Variants in CNBD1 observed in about 807,000 individuals in gnomAD.
CNBD1 encodes cyclic nucleotide binding domain containing 1.
In CNBD1, 71 loss-of-function variants were observed where a neutral mutation model predicts 54.4. The ratio of observed to expected loss-of-function variants is 1.30; its 90% CI spans 1.08 to 1.59. The LOEUF is 1.59. Among genes scored for constraint, CNBD1 ranks in the 40% most tolerant of loss-of-function variants. CNBD1 has a pLI of 0.00. For missense variants in CNBD1, 659 were observed against 518.0 expected (o/e 1.27, Z -2.64); for synonymous variants, 182 against 170.7 (o/e 1.07, Z -0.51).
intron 3 of CNBD1, among the ~76,000 whole-genome samples, chr8:86,930,894 G>T (rs1047936704): frequency 6.6e-6 from 1 of 152,010 alleles, no homozygotes; most frequent in East Asian, 1.9e-4. Flanking sequence ...AAAGCGGTGG[G>T]GTCTTTTAGT....
chr8:86,945,851 C>T (rs1002038362), intron 4 of CNBD1, among the ~76,000 whole-genome samples: 13 of 152,142 alleles, frequency 8.5e-5, no homozygotes, highest in African/African-American at 3.1e-4. Flanking sequence ...ATTCTAAAAG[C>T]GTGTCACGCT....
intron 10 of CNBD1, among the ~76,000 whole-genome samples, chr8:87,354,593 T>A (rs1810386895): frequency 6.6e-6 from 1 of 151,856 alleles, no homozygotes; most frequent in Admixed American, 6.6e-5. Context: ...TGTGTGATGT[T>A]CCCCTTCCTG....
At chr8:87,006,954 T>C (rs1246455956) in intron 4 of CNBD1, among the ~76,000 whole-genome samples, 1 of 152,232 alleles carries the variant, frequency 6.6e-6, no homozygotes, top group Admixed American at 6.5e-5. Flanking sequence ...CCCAGGACTT[T>C]GGGAGGCCAA....
chr8:86,905,658 G>A (rs1050301078), intron 3 of CNBD1, among the ~76,000 whole-genome samples: 1 of 152,104 alleles, frequency 6.6e-6, no homozygotes, highest in African/African-American at 2.4e-5. Context: ...CCTACATTTA[G>A]ATGTGCTTTA....
At chr8:86,867,217 G>A (rs1323846455) in intron 1 of CNBD1, among the ~76,000 whole-genome samples, 3 of 148,136 alleles carry the variant, frequency 2.0e-5, no homozygotes, top group Non-Finnish European at 3.0e-5. Flanking sequence ...CATGGCCATC[G>A]AATTTATAAG....
At chr8:87,428,524 GTTTTC>G (rs1376110625) in intron 2 of CNBD1, 4 of 431,696 alleles carry the variant, frequency 9.3e-6, no homozygotes, top group Non-Finnish European at 1.8e-5. Flanking sequence ...TATTCTAAGT[GTTTTC>G]TTCTGTTTTC....
chr8:87,280,038 T>A (rs910086234), intron 6 of CNBD1, among the ~76,000 whole-genome samples: 1 of 151,510 alleles, frequency 6.6e-6, no homozygotes, highest in Non-Finnish European at 1.5e-5. Flanking sequence ...AATAAATTTA[T>A]CCAGAAAATT....
chr8:87,036,477 C>T (rs1464069648), intron 4 of CNBD1, among the ~76,000 whole-genome samples: 1 of 151,346 alleles, frequency 6.6e-6, no homozygotes, highest in African/African-American at 2.4e-5. Flanking sequence ...GCCTGTAGTC[C>T]CAGCTGCTTG....
At chr8:87,137,923 T>C (rs1305656047) in intron 4 of CNBD1, among the ~76,000 whole-genome samples, 2 of 152,174 alleles carry the variant, frequency 1.3e-5, no homozygotes, top group Non-Finnish European at 2.9e-5. Context: ...GCCATAATTA[T>C]GGTTATGATT....
At chr8:87,261,439 A>T (rs1341651213) in intron 6 of CNBD1, among the ~76,000 whole-genome samples, 1 of 151,852 alleles carries the variant, frequency 6.6e-6, no homozygotes, top group East Asian at 1.9e-4. Context: ...TTGAGCAATG[A>T]ACCATTCATG....
intron 4 of CNBD1, among the ~76,000 whole-genome samples, chr8:87,074,109 A>G (rs1810815454): frequency 6.6e-6 from 1 of 151,384 alleles, no homozygotes; most frequent in Non-Finnish European, 1.5e-5. Context: ...TCAAAAAAAA[A>G]AAAAAAAGGC....
At position 87,371,695 on chromosome 8, in the gene CNBD1, A is replaced by G. The variant is rs1251649071; in HGVS notation, c.1304-10925A>G. Among the ~76,000 whole-genome samples, 4 of 152,072 alleles carry G rather than the reference A, an allele frequency of 2.6e-5. No homozygotes were observed. In the South Asian group the frequency reaches 6.2e-4, roughly 24 times the overall value. On this transcript the variant is annotated intron_variant, in intron 10 of 10. Coordinates refer to ENST00000518476, the MANE Select transcript of CNBD1 (RefSeq NM_173538.3). ...AGGCTGGTTCAATATATGCAAATCA[A>G]TAAATGTAATCCAGCGTATAAACAG...
At chr8:86,979,878 C>T (rs1451541487) in intron 4 of CNBD1, among the ~76,000 whole-genome samples, 1 of 152,138 alleles carries the variant, frequency 6.6e-6, no homozygotes, top group African/African-American at 2.4e-5. Context: ...AATATGATAA[C>T]ATCGTAGATC....
At chr8:87,273,857 G>A (rs949773399) in intron 6 of CNBD1, among the ~76,000 whole-genome samples, 4 of 151,438 alleles carry the variant, frequency 2.6e-5, no homozygotes, top group African/African-American at 9.7e-5. Flanking sequence ...GTGCCATGCT[G>A]GTGTGCTGCA....
intron 10 of CNBD1, among the ~76,000 whole-genome samples, chr8:87,360,890 AG>A (rs1810512248): frequency 6.6e-6 from 1 of 151,932 alleles, no homozygotes; most frequent in Non-Finnish European, 1.5e-5. Context: ...AAAGCACAGG[AG>A]GTCAGAGTTT....
chr8:87,388,389 A>G (rs1811236605), intron 2 of CNBD1, among the ~76,000 whole-genome samples: 1 of 152,046 alleles, frequency 6.6e-6, no homozygotes, highest in African/African-American at 2.4e-5. Context: ...GAAGAATCAA[A>G]TAGACACAAT....
chr8:87,052,662 G>A (rs780461532), intron 4 of CNBD1, among the ~76,000 whole-genome samples: 8 of 152,154 alleles, frequency 5.3e-5, no homozygotes, highest in Non-Finnish European at 1.0e-4. Context: ...CTTCTTGGAT[G>A]AGGAGGTTTT....
chr8:87,240,101 C>G (rs1807665013), intron 6 of CNBD1, among the ~76,000 whole-genome samples: 1 of 149,908 alleles, frequency 6.7e-6, no homozygotes, highest in African/African-American at 2.5e-5. Flanking sequence ...CACACACACA[C>G]ACAGACACAA....
chr8:87,092,623 T>G (rs1586250801), intron 4 of CNBD1, among the ~76,000 whole-genome samples: 1 of 151,922 alleles, frequency 6.6e-6, no homozygotes, highest in African/African-American at 2.4e-5. Flanking sequence ...CTGTTCATTT[T>G]TATCTTCTCT....
Sources: gnomAD v4.1 joint callset for allele counts (sites outside exome capture counted in the v4.1 genomes callset) on GRCh38, gnomAD v4.1.1 for gene constraint, MANE v1.5 for transcripts, NCBI Gene and HGNC (gene_info 2026-07-23, HGNC 2026-07-21) for gene names.